The following GPHN variants were observed in gnomAD, a reference collection of about 807,000 sequenced individuals.
The protein encoded by GPHN is gephyrin.
In GPHN, 17 loss-of-function variants were observed where a neutral mutation model predicts 95.5. The observed-to-expected ratio is 0.18, with a 90% CI of 0.12 to 0.27. The LOEUF (loss-of-function observed/expected upper bound fraction) is 0.27. GPHN is among the 10% of genes least tolerant of loss of function. GPHN has a pLI of 1.00. For synonymous variants in GPHN, 320 were observed against 322.5 expected (o/e 0.99, Z 0.08); for missense variants, 660 against 978.1 (o/e 0.67, Z 4.34).
At chr14:67,555,020 C>T in the GPHN span, among the ~76,000 whole-genome samples, 4 of 152,096 alleles carry the variant, frequency 2.6e-5, no homozygotes, top group Non-Finnish European at 2.9e-5. Flanking sequence ...TCAAGTGATC[C>T]GCCTGCCTCA....
chr14:67,289,810 G>A, the GPHN span, among the ~76,000 whole-genome samples: 3 of 124,130 alleles, frequency 2.4e-5, no homozygotes, highest in East Asian at 2.3e-4. Context: ...TCTCTCTGTC[G>A]CCCAAGCTGG....
chr14:67,070,346 C>T (rs2076237968), intron 11 of GPHN, among the ~76,000 whole-genome samples: 1 of 146,922 alleles, frequency 6.8e-6, no homozygotes, highest in African/African-American at 2.5e-5. Flanking sequence ...TATATATATA[C>T]ACACATATAT....
chr14:66,654,200 T>C (rs1456181643), intron 1 of GPHN, among the ~76,000 whole-genome samples: 1 of 152,114 alleles, frequency 6.6e-6, no homozygotes, highest in African/African-American at 2.4e-5. Context: ...CAGGCTGGAG[T>C]GCAGTGGCAC....
At chr14:67,426,674 C>T in the GPHN span, among the ~76,000 whole-genome samples, 1 of 152,182 alleles carries the variant, frequency 6.6e-6, no homozygotes, top group African/African-American at 2.4e-5. Context: ...CTCCTGGATT[C>T]AAGCGATTCT....
rs1470545727 is a variant in GPHN, at chr14:67,070,821, C to G, written c.1144+12035C>G. On this transcript the variant is annotated intron_variant, in intron 11 of 22. Coordinates refer to ENST00000478722, the MANE Select transcript of GPHN (RefSeq NM_020806.5). ...TGCTTTTACCACCGTACTTATTAAG[C>G]CTTCTTGTTTAGGGGGGTTATTTTT... 6.0e-5 allele frequency among the ~76,000 whole-genome samples: 9 copies of G among 150,712 alleles called. No homozygotes were observed. In the East Asian group the frequency reaches 1.8e-3, roughly 30 times the overall value.
rs773184890 is a variant in GPHN, at chr14:67,181,582, T to C, written c.*645T>C. ...AAGAAACAAACTGAAGAAAAAATGC[T>C]TCCTTAAGTGCTGACAGCCTTTTTA... On this transcript the variant is annotated 3_prime_UTR_variant, in exon 23 of 23. Coordinates refer to ENST00000478722, the MANE Select transcript of GPHN (RefSeq NM_020806.5). 8 of 443,190 alleles carry C rather than the reference T, an allele frequency of 1.8e-5. No individual in the cohort carries two copies. Among genetic ancestry groups the C allele is most frequent in the South Asian group, 1.1e-4 (6 of 54,726 alleles). The allele number at this position is 443,190 out of a possible 1,614,324, so 27.5% of individuals were successfully genotyped here.
intron 1 of GPHN, 79 bp from the exon 2 acceptor site, chr14:66,681,028 A>G (rs2066905571): frequency 1.2e-6 from 1 of 814,892 alleles, no homozygotes; most frequent in Non-Finnish European, 2.1e-6. Flanking sequence ...TTCATTTCAA[A>G]ATGTCTTTTG....
At chr14:67,074,211 A>G (rs1486079253) in intron 11 of GPHN, among the ~76,000 whole-genome samples, 1 of 150,768 alleles carries the variant, frequency 6.6e-6, no homozygotes, top group East Asian at 1.9e-4. Flanking sequence ...AACAAATTGA[A>G]GGTTTGTGGC....
intron 2 of GPHN, among the ~76,000 whole-genome samples, chr14:66,712,882 T>A (rs2069792292): frequency 6.6e-6 from 1 of 152,202 alleles, no homozygotes; most frequent in African/African-American, 2.4e-5. Flanking sequence ...TGATTTACAT[T>A]TCTCTGATCA....
the GPHN span, among the ~76,000 whole-genome samples, chr14:67,448,542 G>A: frequency 1.3e-5 from 2 of 152,244 alleles, no homozygotes; most frequent in African/African-American, 4.8e-5. Flanking sequence ...AGAATCATAG[G>A]TGAGTGTGGC....
chr14:66,927,091 C>T (rs149376834), intron 8 of GPHN, among the ~76,000 whole-genome samples: 74 of 152,164 alleles, frequency 4.9e-4, no homozygotes, highest in African/African-American at 1.7e-3. Flanking sequence ...TGGTGGCTTA[C>T]ACATGTAAGC....
the GPHN span, among the ~76,000 whole-genome samples, chr14:67,552,539 G>T: frequency 3.9e-5 from 6 of 152,144 alleles, no homozygotes; most frequent in Non-Finnish European, 8.8e-5. Flanking sequence ...AGGCCGAGGT[G>T]GGCGGATCAC....
At chr14:66,893,332 T>G (rs1010290912) in intron 5 of GPHN, among the ~76,000 whole-genome samples, 1 of 152,110 alleles carries the variant, frequency 6.6e-6, no homozygotes, top group Admixed American at 6.6e-5. Flanking sequence ...GGCAGGACAG[T>G]GGTTGCAGCC....
At chr14:66,881,274 G>C (rs2063917061) in intron 5 of GPHN, among the ~76,000 whole-genome samples, 1 of 151,750 alleles carries the variant, frequency 6.6e-6, no homozygotes, top group Non-Finnish European at 1.5e-5. Context: ...AATTCATGCT[G>C]GCCTTTAAGG....
the GPHN span, chr14:67,201,467 A>G: frequency 6.6e-6 from 3 of 455,938 alleles, no homozygotes; most frequent in African/African-American, 2.0e-5. Flanking sequence ...AAACAGGACA[A>G]TGATAGCTGC....
At position 66,616,812 on chromosome 14, in the gene GPHN, A is replaced by G. The variant is rs568529152; in HGVS notation, c.65-64295A>G. Among the ~76,000 whole-genome samples, 10 of 152,170 alleles carry G rather than the reference A, an allele frequency of 6.6e-5. No individual in the cohort carries two copies. In the East Asian group the frequency reaches 1.4e-3, roughly 21 times the overall value. ...AACCTCTGCCTCCCAGGTTCAAGCAATTCTTCTGCCGCAGTCTCCCAAGTA... is the reference window on the plus strand; with the variant it reads ...AACCTCTGCCTCCCAGGTTCAAGCAGTTCTTCTGCCGCAGTCTCCCAAGTA... On this transcript the variant is annotated intron_variant, in intron 1 of 22. Coordinates refer to ENST00000478722, the MANE Select transcript of GPHN (RefSeq NM_020806.5).
intron 3 of GPHN, among the ~76,000 whole-genome samples, chr14:66,821,705 A>G (rs571802556): frequency 1.5e-4 from 23 of 152,328 alleles, no homozygotes; most frequent in South Asian, 4.1e-4. Context: ...ACTGAATGAT[A>G]GGATTTCTAT....
chr14:66,790,785 A>G (rs1414668857), intron 3 of GPHN, among the ~76,000 whole-genome samples: 4 of 152,204 alleles, frequency 2.6e-5, no homozygotes, highest in African/African-American at 7.2e-5. Context: ...TGAAAAGTTC[A>G]GGCAGCCACT....
At chr14:67,212,144 CA>C in the GPHN span, among the ~76,000 whole-genome samples, 1 of 152,074 alleles carries the variant, frequency 6.6e-6, no homozygotes, top group East Asian at 1.9e-4. Context: ...ACAGTAAACA[CA>C]CTAGGTACAT....
Sources: gnomAD v4.1 joint callset for allele counts (sites outside exome capture counted in the v4.1 genomes callset) on GRCh38, gnomAD v4.1.1 for gene constraint, MANE v1.5 for transcripts, NCBI Gene and HGNC (gene_info 2026-07-23, HGNC 2026-07-21) for gene names.